YLPM1: variants seen among roughly 807,000 people sequenced by gnomAD.
YLPM1 encodes YLP motif-containing protein 1.
Under a neutral mutation model 230.0 loss-of-function variants are expected in YLPM1, and 99 were observed. The observed-to-expected ratio is 0.43, with a 90% CI of 0.37 to 0.51. The LOEUF (loss-of-function observed/expected upper bound fraction) is 0.51. Among genes scored for constraint, YLPM1 ranks in the 20% least tolerant of loss-of-function variants. YLPM1 has a pLI of 0.00. For synonymous variants in YLPM1, 984 were observed against 942.5 expected (o/e 1.04, Z -0.81); for missense variants, 2,592 against 2,707.7 (o/e 0.96, Z 0.95).
At position 74,770,638 on chromosome 14, in the gene YLPM1, G is replaced by A. The variant is rs78852913; in HGVS notation, c.873+6276G>A. 2.7e-5 allele frequency among the ~76,000 whole-genome samples: 4 copies of A among 148,434 alleles called. No individual in the cohort carries two copies. The South Asian group carries it at 8.6e-4, about 32-fold the overall frequency. On this transcript the variant is annotated intron_variant, in intron 1 of 20. Coordinates refer to ENST00000325680, the MANE Select transcript of YLPM1 (RefSeq NM_019589.3). ...GGACTCCATCTCAGTTAAAAAAAAA[G>A]AAAAAGAGTAGAAATTAACCAGAAG...
At chr14:74,793,691 T>A (rs112093183) in intron 4 of YLPM1, among the ~76,000 whole-genome samples, 19 of 152,298 alleles carry the variant, frequency 1.2e-4, no homozygotes, top group African/African-American at 3.6e-4. Context: ...ACAAACTGAT[T>A]GGGAGCTCTG....
chr14:74,835,005 G>T (rs2091633541), intron 19 of YLPM1: 1 of 356,316 alleles, frequency 2.8e-6, no homozygotes, highest in African/African-American at 2.1e-5. Flanking sequence ...AAATAAAAAG[G>T]AATGGCAGAG....
At position 74,799,384 on chromosome 14, in the gene YLPM1, C is replaced by G. The variant is rs375000291; in HGVS notation, c.4087C>G (p.Arg1363Gly). The G allele has an allele frequency of 1.2e-6, 2 of 1,613,734 alleles. No individual in the cohort carries two copies. The highest frequency in any genetic ancestry group is 1.7e-6 in the Non-Finnish European group (2 of 1,179,858). Residue 1363 changes from arginine to glycine, a missense_variant, in exon 5 of 21, where the codon CGA becomes GGA. This residue lies in a region of YLPM1 where 1,862 missense variants were observed against 1,819.8 expected (regional missense o/e 1.02). Transcript: ENST00000325680. Reference protein sequence around the residue: ...EERNREHGYDRDFRDRGELRI... With the variant: ...EERNREHGYDGDFRDRGELRI... Reference sequence around the variant, plus strand: ...AAGAAATCGAGAGCATGGGTATGATCGAGATTTCCGTGATAGGGGTGAGTT... The same window carrying G: ...AAGAAATCGAGAGCATGGGTATGATGGAGATTTCCGTGATAGGGGTGAGTT...
chr14:74,806,312 G>C (rs2091377738), intron 6 of YLPM1, among the ~76,000 whole-genome samples: 1 of 151,970 alleles, frequency 6.6e-6, no homozygotes. Flanking sequence ...AGCCAAGATT[G>C]CACCACTGCA....
chr14:74,816,170 ATTT>A (rs5809679), intron 11 of YLPM1, 30 bp from the exon 12 acceptor site: 2,692 of 1,383,348 alleles, frequency 1.9e-3, no homozygotes, highest in South Asian at 5.3e-3. Flanking sequence ...TCTCTCAGTG[ATTT>A]TTTTTTTTTT....
intron 4 of YLPM1, among the ~76,000 whole-genome samples, chr14:74,790,968 G>A (rs1270946823): frequency 2.6e-5 from 4 of 152,172 alleles, no homozygotes; most frequent in African/African-American, 7.2e-5. Context: ...ATAGACAGGT[G>A]CAGTGGCTCA....
chr14:74,775,750 C>A (rs973134341), intron 1 of YLPM1, among the ~76,000 whole-genome samples: 2 of 152,124 alleles, frequency 1.3e-5, no homozygotes, highest in African/African-American at 2.4e-5. Context: ...CATTATAGAT[C>A]ATCTTTTATT....
intron 4 of YLPM1, among the ~76,000 whole-genome samples, chr14:74,787,535 C>T (rs759377958): frequency 6.6e-6 from 1 of 151,458 alleles, no homozygotes; most frequent in Non-Finnish European, 1.5e-5. Context: ...ACACTCCAGC[C>T]TGGGCGACAG....
intron 19 of YLPM1, 55 bp from the exon 20 acceptor site, chr14:74,835,210 G>T: frequency 1.3e-6 from 2 of 1,598,172 alleles, no homozygotes; most frequent in South Asian, 1.1e-5. Flanking sequence ...GAGGGAGGGG[G>T]CTCTTTGCAT....
chr14:74,778,270 AT>A lies in YLPM1; in HGVS notation c.874-172del, dbSNP rs530842352. ...GTATAAATTTGGGGGAGGAACTGAA[AT>A]TTTTCTGTAGCCTGTGTTTAAGATC... On this transcript the variant is annotated intron_variant, in intron 1 of 20. Transcript: ENST00000325680. Among the ~76,000 whole-genome samples, 17 of 152,140 alleles carry A rather than the reference AT, an allele frequency of 1.1e-4. No homozygotes were observed. In the South Asian group the frequency reaches 3.5e-3, roughly 32 times the overall value.
chr14:74,780,274 A>G, intron 2 of YLPM1, 131 bp from the exon 3 acceptor site: 1 of 1,138,428 alleles, frequency 8.8e-7, no homozygotes, highest in South Asian at 1.8e-5. Flanking sequence ...TCCAAAAAGA[A>G]CTGAAGATAC....
intron 4 of YLPM1, among the ~76,000 whole-genome samples, chr14:74,789,187 C>T (rs1237371236): frequency 1.3e-5 from 2 of 151,664 alleles, no homozygotes; most frequent in Non-Finnish European, 2.9e-5. Flanking sequence ...AGTGTAGGTC[C>T]TCCAATTCTG....
chr14:74,833,258 T>C (rs1025028623), intron 19 of YLPM1, among the ~76,000 whole-genome samples: 1 of 152,112 alleles, frequency 6.6e-6, no homozygotes, highest in Non-Finnish European at 1.5e-5. Context: ...TTTAATTAAT[T>C]AATTATTATT....
intron 1 of YLPM1, among the ~76,000 whole-genome samples, chr14:74,775,340 C>A (rs561936242): frequency 5.5e-4 from 83 of 152,256 alleles, no homozygotes; most frequent in Non-Finnish European, 8.2e-4. Context: ...AAATTACATT[C>A]TTTGAGTGAA....
intron 1 of YLPM1, among the ~76,000 whole-genome samples, chr14:74,776,578 A>T (rs1038748895): frequency 6.6e-6 from 1 of 152,206 alleles, no homozygotes; most frequent in Non-Finnish European, 1.5e-5. Flanking sequence ...AAGTTTGACA[A>T]ATGTGTCTCT....
At chr14:74,810,130 C>CA (rs1362744381) in intron 8 of YLPM1, 95 bp from the exon 9 acceptor site, 21 of 1,491,052 alleles carry the variant, frequency 1.4e-5, no homozygotes, top group Non-Finnish European at 1.7e-5. Context: ...GAATTTATGG[C>CA]AAAAATTTAT....
intron 19 of YLPM1, among the ~76,000 whole-genome samples, chr14:74,833,985 C>T (rs1209214819): frequency 6.6e-6 from 1 of 152,118 alleles, no homozygotes; most frequent in Non-Finnish European, 1.5e-5. Context: ...GCAACAGATT[C>T]ATAGTTTCTT....
chr14:74,786,293 C>T (rs1038213834), intron 4 of YLPM1, among the ~76,000 whole-genome samples: 6 of 138,950 alleles, frequency 4.3e-5, no homozygotes, highest in South Asian at 2.5e-4. Context: ...ACCCGGGAGG[C>T]GGAGGTTGCA....
intron 16 of YLPM1, among the ~76,000 whole-genome samples, 154 bp from the exon 17 acceptor site, chr14:74,820,903 G>T (rs900655319): frequency 6.6e-6 from 1 of 152,004 alleles, no homozygotes; most frequent in African/African-American, 2.4e-5. Flanking sequence ...TATCAGTTCT[G>T]TTTCAAAATT....
Sources: allele counts gnomAD v4.1 joint callset (sites outside exome capture counted in the v4.1 genomes callset), GRCh38; gene constraint gnomAD v4.1.1; regional missense constraint gnomAD v4.1.1; transcripts MANE v1.5; gene names NCBI Gene and HGNC (gene_info 2026-07-23, HGNC 2026-07-21).